SNX18: variants seen among roughly 807,000 people sequenced by gnomAD.
The protein encoded by SNX18 is sorting nexin-18.
In SNX18, 35 loss-of-function variants were observed where a neutral mutation model predicts 48.7. The observed-to-expected ratio is 0.72, with a 90% CI of 0.55 to 0.95. SNX18 has a LOEUF of 0.95. Among genes scored for constraint, SNX18 ranks in the 40% least tolerant of loss-of-function variants. SNX18 has a pLI of 0.00. For synonymous variants in SNX18, 492 were observed against 384.7 expected (o/e 1.28, Z -3.26); for missense variants, 824 against 871.0 (o/e 0.95, Z 0.68).
At chr5:54,631,459 CCTCTCTTT>C in the SNX18 span, among the ~76,000 whole-genome samples, 2 of 150,532 alleles carry the variant, frequency 1.3e-5, no homozygotes, top group Admixed American at 1.3e-4. Flanking sequence ...TTTCTTTTAA[CCTCTCTTT>C]CTGTCAATAA....
the SNX18 span, among the ~76,000 whole-genome samples, chr5:54,590,921 T>C: frequency 6.6e-6 from 1 of 152,140 alleles, no homozygotes; most frequent in African/African-American, 2.4e-5. Flanking sequence ...GTTCATTTGA[T>C]ATGAATTCTC....
the SNX18 span, among the ~76,000 whole-genome samples, chr5:54,552,528 A>G: frequency 6.6e-6 from 1 of 152,208 alleles, no homozygotes; most frequent in East Asian, 1.9e-4. Context: ...GGGAAACCAA[A>G]TCATCGTCAT....
At chr5:54,589,500 G>T in the SNX18 span, among the ~76,000 whole-genome samples, 1 of 152,206 alleles carries the variant, frequency 6.6e-6, no homozygotes, top group East Asian at 1.9e-4. Flanking sequence ...AGTTTTGGTT[G>T]CACGATAGGT....
At chr5:54,638,153 T>G in the SNX18 span, among the ~76,000 whole-genome samples, 136 of 152,342 alleles carry the variant, frequency 8.9e-4, no homozygotes, top group South Asian at 2.1e-3. Flanking sequence ...TCTTTAACAA[T>G]GGCTGCTGCA....
chr5:54,602,161 A>AT, the SNX18 span, among the ~76,000 whole-genome samples: 1 of 152,094 alleles, frequency 6.6e-6, no homozygotes, highest in Non-Finnish European at 1.5e-5. Flanking sequence ...GTGTTAGGAG[A>AT]TTTTTAAGTA....
chr5:54,518,753 C>G lies in SNX18; in HGVS notation c.801C>G (p.Pro267=), dbSNP rs746220686. The change falls in exon 1 of 2, where the codon CCC becomes CCG. Residue 267 remains proline, a synonymous_variant. Coordinates refer to ENST00000381410, the MANE Select transcript of SNX18 (RefSeq NM_001102575.2). The part of the protein sequence containing the change: ...KLCVVLGPYG[P]EWQENPYPFQ... ...GCGTGGTGCTGGGGCCCTATGGCCC[C>G]GAGTGGCAGGAGAACCCCTACCCGT... 10 of 1,606,456 alleles carry G rather than the reference C, an allele frequency of 6.2e-6. No homozygotes were observed. In the East Asian group the frequency reaches 2.2e-4, roughly 36 times the overall value.
the SNX18 span, among the ~76,000 whole-genome samples, chr5:54,574,878 A>T: frequency 5.3e-3 from 802 of 152,254 alleles, 8 homozygotes; most frequent in African/African-American, 0.018. Context: ...ACCAGATGAA[A>T]TTTTTAGACA....
the SNX18 span, among the ~76,000 whole-genome samples, chr5:54,619,075 A>G: frequency 6.6e-6 from 1 of 152,232 alleles, no homozygotes. Flanking sequence ...TTCCATTAAT[A>G]AGCTGACACT....
intron 1 of SNX18, among the ~76,000 whole-genome samples, chr5:54,521,758 G>A (rs1006387298): frequency 1.3e-5 from 2 of 152,116 alleles, no homozygotes; most frequent in African/African-American, 4.8e-5. Flanking sequence ...GTAGAGACAG[G>A]TGTCTTGCTA....
At chr5:54,616,626 A>G in the SNX18 span, among the ~76,000 whole-genome samples, 1 of 152,056 alleles carries the variant, frequency 6.6e-6, no homozygotes, top group Non-Finnish European at 1.5e-5. Context: ...AAAATTAGCC[A>G]GGCGAAGTGG....
intron 1 of SNX18, chr5:54,520,107 G>GC: frequency 2.6e-6 from 1 of 384,828 alleles, no homozygotes; most frequent in Non-Finnish European, 4.9e-6. Flanking sequence ...AAGAATTCTT[G>GC]CCTGCAACCT....
chr5:54,639,705 A>G, the SNX18 span, among the ~76,000 whole-genome samples: 2 of 152,210 alleles, frequency 1.3e-5, no homozygotes, highest in African/African-American at 4.8e-5. Context: ...CTATGCTGGA[A>G]GCAAAAGGGA....
chr5:54,638,505 A>G, the SNX18 span, among the ~76,000 whole-genome samples: 74 of 148,900 alleles, frequency 5.0e-4, no homozygotes, highest in Non-Finnish European at 7.6e-4. Context: ...ATTTAAAAAA[A>G]TTTTTTGGTG....
the SNX18 span, among the ~76,000 whole-genome samples, chr5:54,556,047 C>T: frequency 1.3e-5 from 2 of 152,172 alleles, no homozygotes; most frequent in African/African-American, 4.8e-5. Context: ...GTACCACCAG[C>T]AGCTCTTTGG....
chr5:54,593,570 A>G, the SNX18 span, among the ~76,000 whole-genome samples: 1 of 152,242 alleles, frequency 6.6e-6, no homozygotes, highest in South Asian at 2.1e-4. Flanking sequence ...TGAAAATACA[A>G]AGAACCTGGA....
chr5:54,635,573 C>T, the SNX18 span, among the ~76,000 whole-genome samples: 1 of 152,074 alleles, frequency 6.6e-6, no homozygotes, highest in Non-Finnish European at 1.5e-5. Flanking sequence ...ATGTTGGTCC[C>T]AGCAGGTCAA....
chr5:54,526,520 C>T (rs1762134089), intron 1 of SNX18, among the ~76,000 whole-genome samples: 1 of 152,174 alleles, frequency 6.6e-6, no homozygotes, highest in Admixed American at 6.5e-5. Context: ...TGACTTTCCT[C>T]TTCTGCTAAA....
At chr5:54,578,727 C>A in the SNX18 span, among the ~76,000 whole-genome samples, 1 of 152,148 alleles carries the variant, frequency 6.6e-6, no homozygotes, top group Admixed American at 6.5e-5. Flanking sequence ...CCAGCTGTAC[C>A]TCCTGCTCTG....
chr5:54,529,767 T>G (rs1762220240), intron 1 of SNX18, among the ~76,000 whole-genome samples: 1 of 152,222 alleles, frequency 6.6e-6, no homozygotes, highest in African/African-American at 2.4e-5. Context: ...CTGTGTAACC[T>G]TGGGCCACAC....
Sources: gnomAD v4.1 joint callset for allele counts (sites outside exome capture counted in the v4.1 genomes callset) on GRCh38, gnomAD v4.1.1 for gene constraint, MANE v1.5 for transcripts, NCBI Gene and HGNC (gene_info 2026-07-23, HGNC 2026-07-21) for gene names.